The following FSIP2 variants were observed in gnomAD, a reference collection of about 807,000 sequenced individuals.
FSIP2 encodes the protein fibrous sheath-interacting protein 2.
A neutral mutation model predicts 510.5 loss-of-function variants in FSIP2; 367 were observed. The ratio of observed to expected loss-of-function variants is 0.72; its 90% CI spans 0.66 to 0.78. The LOEUF is 0.78. Among genes scored for constraint, FSIP2 ranks in the 30% least tolerant of loss-of-function variants. The pLI is 0.00. For missense variants in FSIP2, 7,594 were observed against 7,901.7 expected, an observed-to-expected ratio of 0.96 and a Z score of 1.48; for synonymous variants, 2,601 against 2,732.2, an observed-to-expected ratio of 0.95 and a Z score of 1.50.
chr2:185,764,163 CATTGCCATCCATATTAAATCTTAG>C (rs1471858288), intron 12 of FSIP2, among the ~76,000 whole-genome samples: 40 of 151,702 alleles, frequency 2.6e-4, no homozygotes, highest in African/African-American at 9.6e-4. Flanking sequence ...GCACTATCAG[CATTGCCATCCATATTAAATCTTAG>C]ATTGCCATCC....
rs564512833 is a variant in FSIP2 at position 185,822,337 on chromosome 2, G to T, written c.20427-2097G>T. Among the ~76,000 whole-genome samples, 24 of 151,992 alleles carry T rather than the reference G, an allele frequency of 1.6e-4. No individual in the cohort carries two copies. In the South Asian group the frequency reaches 4.8e-3, roughly 30 times the overall value. On this transcript the variant is annotated intron_variant, in intron 19 of 22. Transcript: ENST00000424728. ...ACCCCTGAAGAACACCAAAAAAATT[G>T]TTATAACTAATGAATTAATTCAGCA...
At position 185,801,621 on chromosome 2, in the gene FSIP2, T is replaced by C. The variant is rs973677872; in HGVS notation, c.12315T>C (p.Tyr4105=). The C allele has an allele frequency of 1.0e-5, 16 of 1,532,058 alleles. No individual in the cohort carries two copies. Among genetic ancestry groups the C allele is most frequent in the Non-Finnish European group, 1.4e-5 (16 of 1,144,916 alleles). 94.9% of individuals were successfully genotyped at this position (1,532,058 alleles called of 1,614,324 possible). ...AGGAACATCTCATACCCCATTCATATTACCCTCTCAAACCTGAAATTATAT... is the reference window on the plus strand; with the variant it reads ...AGGAACATCTCATACCCCATTCATACTACCCTCTCAAACCTGAAATTATAT... ...CFKEHLIPHS[Y]YPLKPEIILQ... Residue 4105 remains tyrosine, a synonymous_variant, in exon 17 of 23, where the codon TAT becomes TAC. Transcript: ENST00000424728.
chr2:185,770,840 T>A (rs1290422306), intron 13 of FSIP2, among the ~76,000 whole-genome samples: 1 of 152,194 alleles, frequency 6.6e-6, no homozygotes, highest in African/African-American at 2.4e-5. Context: ...CCTTCACTTA[T>A]GAGCTTCTGA....
rs565419768 is a variant in FSIP2, at chr2:185,747,530, A to G, written c.870+107A>G. 7.6e-4 allele frequency: 453 copies of G among 594,872 alleles called. 2 individuals carry two copies. The highest frequency in any genetic ancestry group is 7.6e-3 in the South Asian group (354 of 46,516). The allele number at this position is 594,872 out of a possible 1,614,324, so 36.8% of individuals were successfully genotyped here. The stretch of plus-strand genomic sequence containing the variant: ...GAGATGACTGTTGCCCAGTTACTCC[A>G]AATGATATGCATGATATAAAACTGC... On this transcript the variant is annotated intron_variant, in intron 7 of 22. Coordinates refer to ENST00000424728, the MANE Select transcript of FSIP2 (RefSeq NM_173651.4).
chr2:185,795,541 C>G lies in FSIP2; in HGVS notation c.8405C>G (p.Ser2802Ter), dbSNP rs1280354722. 6.5e-7 allele frequency: 1 copy of G among 1,534,826 alleles called. No homozygotes were observed. Among genetic ancestry groups the G allele is most frequent in the South Asian group, 1.2e-5 (1 of 83,974 alleles). The change falls in exon 16 of 23, where the codon TCA (serine) becomes TGA (stop). Residue 2802 changes from serine (S) to a stop codon, truncating the protein, a stop_gained. Transcript: ENST00000424728. LOFTEE classifies it high-confidence loss of function. ...YPMKSSHLRL[S>*]QGNIGTGSLP... ...ATGAAATCCTCACATCTCAGACTTT[C>G]ACAGGGGAATATAGGCACAGGATCC...
At chr2:185,788,596 A>C in intron 15 of FSIP2, 47 bp from the exon 16 acceptor site, 2 of 1,305,542 alleles carry the variant, frequency 1.5e-6, no homozygotes, top group East Asian at 5.1e-5. Flanking sequence ...AACATAGAGT[A>C]AGTTGTTACA....
intron 19 of FSIP2, among the ~76,000 whole-genome samples, chr2:185,820,159 T>C (rs956654289): frequency 3.9e-5 from 6 of 151,954 alleles, no homozygotes; most frequent in East Asian, 1.9e-4. Context: ...AATTGAATCA[T>C]TGGGGTGATT....
chr2:185,790,260 T>G lies in FSIP2; in HGVS notation c.3124T>G (p.Cys1042Gly), dbSNP rs1371567626. ...TCATTGGTTTACAAAGGGAAACACT[T>G]GTTTTGAATGCAAAAGAAATATCAA... ...PNHWFTKGNT[C>G]FECKRNIKPP... Residue 1042 changes from cysteine to glycine, a missense_variant, in exon 16 of 23, where the codon TGT becomes GGT. Transcript: ENST00000424728. 65 of 1,533,160 alleles carry G rather than the reference T, an allele frequency of 4.2e-5. No homozygotes were observed. The highest frequency in any genetic ancestry group is 5.6e-5 in the Non-Finnish European group (64 of 1,145,306). The allele number at this position is 1,533,160 out of a possible 1,614,324, so 95.0% of individuals were successfully genotyped here.
intron 13 of FSIP2, among the ~76,000 whole-genome samples, chr2:185,778,141 C>T (rs1692767495): frequency 6.6e-6 from 1 of 151,700 alleles, no homozygotes; most frequent in African/African-American, 2.4e-5. Flanking sequence ...TATAATATAT[C>T]CTATTTATTT....
rs375336474 is a variant in FSIP2, at chr2:185,792,172, T to G, written c.5036T>G (p.Leu1679Arg). 31 of 1,532,304 alleles carry G rather than the reference T, an allele frequency of 2.0e-5. No homozygotes were observed. In the Middle Eastern group the frequency reaches 8.4e-4, roughly 41 times the overall value. 94.9% of individuals were successfully genotyped at this position (1,532,304 alleles called of 1,614,324 possible). A position where few individuals can be genotyped will look rare whatever the true frequency, so the allele number is the denominator to read the frequency against. Residue 1679 changes from leucine to arginine, a missense_variant, in exon 16 of 23, where the codon CTT becomes CGT. Transcript: ENST00000424728. ...VENPPPETQI[L>R]KYVVKLILDA... ...AACCCACCACCTGAGACTCAAATAC[T>G]TAAGTATGTAGTCAAGTTAATTTTA... is the stretch of plus-strand genomic sequence containing the variant.
intron 9 of FSIP2, among the ~76,000 whole-genome samples, chr2:185,757,336 T>C (rs922667322): frequency 4.0e-5 from 6 of 151,412 alleles, no homozygotes; most frequent in Non-Finnish European, 8.9e-5. Context: ...ATCGTGACAA[T>C]TGTCTGGAGA....
chr2:185,803,612 A>C lies in FSIP2; in HGVS notation c.14306A>C (p.Gln4769Pro), dbSNP rs1483726840. 7.8e-6 allele frequency: 12 copies of C among 1,530,166 alleles called. No homozygotes were observed. Among genetic ancestry groups the C allele is most frequent in the Non-Finnish European group, 9.6e-6 (11 of 1,143,564 alleles). 94.8% of individuals were successfully genotyped at this position (1,530,166 alleles called of 1,614,324 possible). A position where few individuals can be genotyped will look rare whatever the true frequency, so the allele number is the denominator to read the frequency against. ...GCAAATGTTTTAATACAAAGAGTTCAATATGATATAAGTAAATCAAGATTC... is the reference window on the plus strand; with the variant it reads ...GCAAATGTTTTAATACAAAGAGTTCCATATGATATAAGTAAATCAAGATTC... ...LSANVLIQRVQYDISKSRFQR... is the reference protein window; with the variant it reads ...LSANVLIQRVPYDISKSRFQR... The change falls in exon 17 of 23, where the codon CAA (glutamine) becomes CCA (proline). Residue 4769 changes from glutamine to proline, a missense_variant. Coordinates refer to ENST00000424728, the MANE Select transcript of FSIP2 (RefSeq NM_173651.4).
At chr2:185,818,257 C>G (rs1693858501) in intron 19 of FSIP2, among the ~76,000 whole-genome samples, 1 of 151,616 alleles carries the variant, frequency 6.6e-6, no homozygotes, top group Non-Finnish European at 1.5e-5. Context: ...GAATGCAAGT[C>G]ATTTGAAGTT....
In FSIP2 at chr2:185,795,625, T is replaced by G. The variant is rs1206393824; in HGVS notation, c.8489T>G (p.Ile2830Ser). 1 of 1,534,748 alleles carries G rather than the reference T, an allele frequency of 6.5e-7. No homozygotes were observed. The highest frequency in any genetic ancestry group is 8.7e-7 in the Non-Finnish European group (1 of 1,145,994). The stretch of plus-strand genomic sequence containing the variant: ...AATGTTTCTTCACAGCTAGAGCACA[T>G]TTTTCCTAGAGAAGGTATATTTAAA... ...LENVSSQLEH[I>S]FPREGIFKKL... The change falls in exon 16 of 23, where the codon ATT becomes AGT. Residue 2830 changes from isoleucine (I) to serine (S), a missense_variant. Physicochemically the swap from Ile to Ser is moderately radical, Grantham distance 142. Coordinates refer to ENST00000424728, the MANE Select transcript of FSIP2 (RefSeq NM_173651.4).
upstream of FSIP2, chr2:185,738,489 G>C (rs1431893547): frequency 5.2e-6 from 5 of 960,728 alleles, no homozygotes; most frequent in Non-Finnish European, 7.6e-6. Flanking sequence ...GATGTAGAAT[G>C]GGCAAAAACA....
At chr2:185,746,105 G>A (rs956109770) in intron 5 of FSIP2, among the ~76,000 whole-genome samples, 2 of 152,030 alleles carry the variant, frequency 1.3e-5, no homozygotes, top group African/African-American at 4.8e-5. Context: ...GATGCAGTAA[G>A]GAATTGGGCT....
Position 185,791,599 on chromosome 2 carries a change from T to G in FSIP2, c.4463T>G (p.Leu1488Trp). 1.3e-6 allele frequency: 2 copies of G among 1,534,268 alleles called. No individual in the cohort carries two copies. The highest frequency in any genetic ancestry group is 2.4e-5 in the South Asian group (2 of 84,028). Residue 1488 changes from leucine (L) to tryptophan (W), a missense_variant, in exon 16 of 23, where the codon TTG becomes TGG. By Grantham distance (61) the Leu-to-Trp change is moderately conservative (BLOSUM62 -2). Transcript: ENST00000424728. The stretch of plus-strand genomic sequence containing the variant: ...ATTCAGTTAATTTCTAAAGCAATTT[T>G]GGATTATATCCTTGCAAAATTATGT... ...SNIQLISKAI[L>W]DYILAKLCGV...
intron 7 of FSIP2, among the ~76,000 whole-genome samples, chr2:185,752,678 T>G (rs1262355345): frequency 1.3e-5 from 2 of 151,310 alleles, no homozygotes; most frequent in Non-Finnish European, 3.0e-5. Flanking sequence ...GACCTTGTTA[T>G]GTCTCCCATA....
chr2:185,804,543 G>A lies in FSIP2; in HGVS notation c.15237G>A (p.Glu5079=). The change falls in exon 17 of 23, where the codon GAG becomes GAA. Residue 5079 remains glutamate, a synonymous_variant. Transcript: ENST00000424728. ...QVQSLVSGEL[E]SSSYSYPQAD... ...AGTCATTAGTTTCAGGAGAATTAGA[G>A]TCTTCTTCTTATTCGTATCCCCAAG... 6.6e-7 allele frequency: 1 copy of A among 1,523,670 alleles called. No individual in the cohort carries two copies. Among genetic ancestry groups the A allele is most frequent in the Non-Finnish European group, 8.8e-7 (1 of 1,140,624 alleles). 94.4% of individuals were successfully genotyped at this position (1,523,670 alleles called of 1,614,324 possible).
Sources: allele counts gnomAD v4.1 joint callset (sites outside exome capture counted in the v4.1 genomes callset), GRCh38; gene constraint gnomAD v4.1.1; transcripts MANE v1.5; gene names NCBI Gene and HGNC (gene_info 2026-07-23, HGNC 2026-07-21).